The following FDX2 variants were observed in gnomAD, a reference collection of about 807,000 sequenced individuals.
FDX2 encodes the protein ferredoxin 2.
FDX2 carries 13 observed loss-of-function variants against 18.5 expected under a neutral mutation model. The observed-to-expected ratio is 0.70, with a 90% CI of 0.46 to 1.12. FDX2 has a LOEUF of 1.12. Ranked by LOEUF, FDX2 falls within the 50% of genes most tolerant of loss-of-function variation. The pLI is 0.00. For missense variants in FDX2, 238 were observed against 250.4 expected (o/e 0.95, Z 0.34); for synonymous variants, 132 against 106.2 (o/e 1.24, Z -1.49).
Position 10,315,369 on chromosome 19 carries a change from C to G in FDX2, c.316+17G>C. On this transcript the variant is annotated intron_variant, in intron 3 of 4. Coordinates refer to ENST00000393708, the MANE Select transcript of FDX2 (RefSeq NM_001031734.4). Reference sequence around the variant, plus strand: ...AATGTATAAGGACCTCCTTAATTCCCTCTGCCCGGTTCCTACCTTCCAGGT... The same window carrying G: ...AATGTATAAGGACCTCCTTAATTCCGTCTGCCCGGTTCCTACCTTCCAGGT... 6.6e-7 allele frequency: 1 copy of G among 1,520,600 alleles called. No homozygotes were observed. The highest frequency in any genetic ancestry group is 1.1e-5 in the South Asian group (1 of 88,514). 94.2% of individuals were successfully genotyped at this position (1,520,600 alleles called of 1,614,324 possible). A position where few individuals can be genotyped will look rare whatever the true frequency, so the allele number is the denominator to read the frequency against.
rs1350653211 is a variant in FDX2 at position 10,310,394 on chromosome 19, C to T, written c.*92G>A. 14 of 1,548,684 alleles carry T rather than the reference C, an allele frequency of 9.0e-6. No homozygotes were observed. The highest frequency in any genetic ancestry group is 1.4e-5 in the African/African-American group (1 of 73,548). On this transcript the variant is annotated 3_prime_UTR_variant, in exon 5 of 5. Transcript: ENST00000393708. Reference sequence around the variant, plus strand: ...CAGGGGCTTCCACGTCTCTCCCGGGCCTGTCCGCACTCTGGGCAGGGCTGG... The same window carrying T: ...CAGGGGCTTCCACGTCTCTCCCGGGTCTGTCCGCACTCTGGGCAGGGCTGG...
At chr19:10,313,478 G>C (rs763168294) in intron 3 of FDX2, among the ~76,000 whole-genome samples, 1 of 151,626 alleles carries the variant, frequency 6.6e-6, no homozygotes, top group Non-Finnish European at 1.5e-5. Context: ...AGGCAGCACA[G>C]ATTAGTGGCT....
intron 3 of FDX2, 94 bp from the exon 4 acceptor site, chr19:10,311,034 C>T: frequency 8.5e-6 from 7 of 820,974 alleles, no homozygotes; most frequent in Non-Finnish European, 1.3e-5. Flanking sequence ...TCTCTTCCAC[C>T]ACGTGCCTCA....
rs1285711358 is a variant in FDX2, at chr19:10,310,860, C to T, written c.397G>A (p.Glu133Lys). ...CAGGGCTGACCCACTCACCTCTCCT[C>T]GGGAGGAGGCAGGAGATCCAGGTGG... Residue 133 changes from glutamate (E) to lysine (K), a missense_variant, in exon 4 of 5, where the codon GAG becomes AAG. Coordinates refer to ENST00000393708, the MANE Select transcript of FDX2 (RefSeq NM_001031734.4). The T allele has an allele frequency of 5.6e-6, 9 of 1,613,648 alleles. No individual in the cohort carries two copies. Among genetic ancestry groups the T allele is most frequent in the Non-Finnish European group, 5.9e-6 (7 of 1,179,858 alleles).
rs779961136 is a variant in FDX2 at position 10,310,969 on chromosome 19, G to A, written c.317-29C>T. On this transcript the variant is annotated intron_variant, in intron 3 of 4. Transcript: ENST00000393708. ...GGGGTGGGAAGTGAAGGGGGCGCAG[G>A]TGAGTGGCAGAGTCAGGAAGGGGCT... is the stretch of plus-strand genomic sequence containing the variant. The A allele has an allele frequency of 1.4e-5, 21 of 1,544,380 alleles. No individual in the cohort carries two copies. In the South Asian group the frequency reaches 2.2e-4, roughly 16 times the overall value.
chr19:10,311,866 A>ATTTTT (rs34531286), intron 3 of FDX2, among the ~76,000 whole-genome samples: 2 of 97,272 alleles, frequency 2.1e-5, no homozygotes, highest in Non-Finnish European at 1.9e-5. Flanking sequence ...CACCTGGCTA[A>ATTTTT]TTTTTTTTTT....
intron 3 of FDX2, among the ~76,000 whole-genome samples, chr19:10,314,543 T>C (rs2040357363): frequency 6.6e-6 from 1 of 151,476 alleles, no homozygotes; most frequent in Non-Finnish European, 1.5e-5. Flanking sequence ...ACTCCAGCAT[T>C]GGCGACACAG....
chr19:10,313,906 T>G (rs1364802521), intron 3 of FDX2, among the ~76,000 whole-genome samples: 5 of 150,762 alleles, frequency 3.3e-5, no homozygotes, highest in Non-Finnish European at 7.4e-5. Context: ...GGATGGTCTC[T>G]ATCTCCTGAC....
chr19:10,311,843 G>A (rs899315562), intron 3 of FDX2, among the ~76,000 whole-genome samples: 1 of 146,690 alleles, frequency 6.8e-6, no homozygotes, highest in Non-Finnish European at 1.5e-5. Flanking sequence ...GGGACTACAT[G>A]TGCGCACCAC....
At chr19:10,310,804 T>A in intron 4 of FDX2, 49 bp downstream of exon 4, 1 of 1,584,782 alleles carries the variant, frequency 6.3e-7, no homozygotes, top group Non-Finnish European at 8.6e-7. Flanking sequence ...TGGGGGCTGC[T>A]GAATGCTCCA....
rs2040318804 is a variant in FDX2, at chr19:10,311,024, T to C, written c.317-84A>G. On this transcript the variant is annotated intron_variant, in intron 3 of 4. Transcript: ENST00000393708. Reference sequence around the variant, plus strand: ...TGCGAATGGCGTAGAGGAGTAGACCTCTCTTCCACCACGTGCCTCACGTCT... The same window carrying C: ...TGCGAATGGCGTAGAGGAGTAGACCCCTCTTCCACCACGTGCCTCACGTCT... 4 of 977,506 alleles carry C rather than the reference T, an allele frequency of 4.1e-6. No homozygotes were observed. In the South Asian group the frequency reaches 6.3e-5, roughly 15 times the overall value. 60.6% of individuals were successfully genotyped at this position (977,506 alleles called of 1,614,324 possible).
At chr19:10,315,793 A>G in intron 1 of FDX2, 34 bp from the exon 2 acceptor site, 1 of 1,599,984 alleles carries the variant, frequency 6.3e-7, no homozygotes, top group Non-Finnish European at 8.5e-7. Flanking sequence ...GGCTGCGCCG[A>G]GCCCCGCCCC....
rs1599290024 is a variant in FDX2, at chr19:10,310,245, T to A, written c.*241A>T. 1.8e-6 allele frequency: 1 copy of A among 562,024 alleles called. No homozygotes were observed. Among genetic ancestry groups the A allele is most frequent in the African/African-American group, 1.9e-5 (1 of 53,284 alleles). The allele number at this position is 562,024 out of a possible 1,614,324, so 34.8% of individuals were successfully genotyped here. On this transcript the variant is annotated 3_prime_UTR_variant, in exon 5 of 5. Transcript: ENST00000393708. ...TGTTATCGATTTATTGCAGCTCCAA[T>A]ATGAGTCCACTCCTACTCAAACCCT...
In FDX2 at chr19:10,310,656, A is replaced by G. The variant is rs2040314024; in HGVS notation, c.405-14T>C. On this transcript the variant is annotated splice_polypyrimidine_tract_variant and intron_variant, in intron 4 of 4. Transcript: ENST00000393708. Reference sequence around the variant, plus strand: ...ATGTCGTCTTCCCTAGGGTGGTGACACGGGCAGTGTTAGCCGAGGGCAAGC... The same window carrying G: ...ATGTCGTCTTCCCTAGGGTGGTGACGCGGGCAGTGTTAGCCGAGGGCAAGC... 9 of 1,515,670 alleles carry G rather than the reference A, an allele frequency of 5.9e-6. No homozygotes were observed. Among genetic ancestry groups the G allele is most frequent in the Non-Finnish European group, 8.0e-6 (9 of 1,121,950 alleles). The allele number at this position is 1,515,670 out of a possible 1,614,324, so 93.9% of individuals were successfully genotyped here. A position where few individuals can be genotyped will look rare whatever the true frequency, so the allele number is the denominator to read the frequency against.
chr19:10,310,699 G>T, intron 4 of FDX2, 57 bp from the exon 5 acceptor site: 2 of 1,433,508 alleles, frequency 1.4e-6, no homozygotes. Context: ...GTGGGTGGGG[G>T]GCCAGAGGTG....
chr19:10,314,498 T>C (rs554447737), intron 3 of FDX2, among the ~76,000 whole-genome samples: 1 of 149,570 alleles, frequency 6.7e-6, no homozygotes, highest in East Asian at 2.0e-4. Context: ...AACCCAGGAG[T>C]TCAAGGCTGC....
chr19:10,311,633 C>T (rs2040325516), intron 3 of FDX2, among the ~76,000 whole-genome samples: 1 of 151,370 alleles, frequency 6.6e-6, no homozygotes, highest in Non-Finnish European at 1.5e-5. Context: ...ATCTCCTGAC[C>T]TCATGATCTG....
In FDX2 at chr19:10,310,110, G is replaced by T; in HGVS notation, c.*376C>A. 1 of 232,720 alleles carries T rather than the reference G, an allele frequency of 4.3e-6. No individual in the cohort carries two copies. The highest frequency in any genetic ancestry group is 7.2e-5 in the South Asian group (1 of 13,812). The allele number at this position is 232,720 out of a possible 1,614,324, so 14.4% of individuals were successfully genotyped here. A position where few individuals can be genotyped will look rare whatever the true frequency, so the allele number is the denominator to read the frequency against. ...TGCCCAGGATGGTCTTAAGCTCCTGGCCTCAAGTGATCCTCCCATCTTGGC... is the reference window on the plus strand; with the variant it reads ...TGCCCAGGATGGTCTTAAGCTCCTGTCCTCAAGTGATCCTCCCATCTTGGC... On this transcript the variant is annotated 3_prime_UTR_variant, in exon 5 of 5. Coordinates refer to ENST00000393708, the MANE Select transcript of FDX2 (RefSeq NM_001031734.4).
At chr19:10,315,588 A>G in intron 2 of FDX2, 96 bp from the exon 3 acceptor site, 1 of 1,521,990 alleles carries the variant, frequency 6.6e-7, no homozygotes, top group African/African-American at 1.4e-5. Context: ...GGCTTGACGC[A>G]CAGGTACTGA....
Sources: gnomAD v4.1 joint callset for allele counts (sites outside exome capture counted in the v4.1 genomes callset) on GRCh38, gnomAD v4.1.1 for gene constraint, MANE v1.5 for transcripts, NCBI Gene and HGNC (gene_info 2026-07-23, HGNC 2026-07-21) for gene names.